The following CNTNAP4 variants were observed in gnomAD, a reference collection of about 807,000 sequenced individuals.
CNTNAP4 encodes the protein contactin-associated protein-like 4.
Under a neutral mutation model 148.4 loss-of-function variants are expected in CNTNAP4, and 98 were observed. The observed-to-expected ratio is 0.66, with a 90% confidence interval of 0.56 to 0.78. CNTNAP4 has a LOEUF of 0.78. CNTNAP4 is among the 30% of genes least tolerant of loss of function. CNTNAP4 has a pLI of 0.00. For synonymous variants in CNTNAP4, 730 were observed against 565.1 expected, an observed-to-expected ratio of 1.29 and a Z score of -4.14; for missense variants, 1,935 against 1,565.6, an observed-to-expected ratio of 1.24 and a Z score of -3.98.
chr16:76,324,075 G>C (rs188332722), intron 2 of CNTNAP4, among the ~76,000 whole-genome samples: 1 of 152,180 alleles, frequency 6.6e-6, no homozygotes, highest in East Asian at 1.9e-4. Context: ...AAGAGAAATT[G>C]GTAGTCCCTC....
intron 1 of CNTNAP4, among the ~76,000 whole-genome samples, chr16:76,292,479 T>C (rs908603945): frequency 6.6e-6 from 1 of 152,158 alleles, no homozygotes; most frequent in Non-Finnish European, 1.5e-5. Context: ...TCAGCGGCAT[T>C]ACCAATCTTC....
At chr16:76,309,860 C>T (rs951736272) in intron 1 of CNTNAP4, 86 of 701,322 alleles carry the variant, frequency 1.2e-4, no homozygotes, top group African/African-American at 1.2e-3. Context: ...TCCTCATTTT[C>T]TCTTGCAGCC....
intron 3 of CNTNAP4, among the ~76,000 whole-genome samples, chr16:76,356,714 C>T (rs890692294): frequency 1.3e-5 from 2 of 152,104 alleles, no homozygotes; most frequent in Non-Finnish European, 2.9e-5. Context: ...ATTCTTAGCA[C>T]ACAGATAATT....
At chr16:76,344,681 A>T (rs1038031664) in intron 2 of CNTNAP4, among the ~76,000 whole-genome samples, 1 of 152,226 alleles carries the variant, frequency 6.6e-6, no homozygotes, top group African/African-American at 2.4e-5. Context: ...TATTGTCAAG[A>T]TGAGAGAGAT....
chr16:76,419,331 A>T (rs532728744), intron 3 of CNTNAP4, among the ~76,000 whole-genome samples: 1 of 152,096 alleles, frequency 6.6e-6, no homozygotes, highest in Admixed American at 6.6e-5. Context: ...TCTTCAGGAG[A>T]ATAGCCCTTT....
intron 4 of CNTNAP4, among the ~76,000 whole-genome samples, chr16:76,445,992 G>T (rs1461279188): frequency 6.6e-6 from 1 of 152,102 alleles, no homozygotes; most frequent in African/African-American, 2.4e-5. Flanking sequence ...TAACGAGGAA[G>T]GATTGTTAGG....
At chr16:76,355,020 A>G (rs2012387511) in intron 2 of CNTNAP4, among the ~76,000 whole-genome samples, 1 of 152,206 alleles carries the variant, frequency 6.6e-6, no homozygotes, top group Non-Finnish European at 1.5e-5. Flanking sequence ...GTAAGTTCCC[A>G]GTGTTGGCAG....
chr16:76,330,006 T>TC (rs1963363804), intron 2 of CNTNAP4, among the ~76,000 whole-genome samples: 1 of 152,196 alleles, frequency 6.6e-6, no homozygotes, highest in South Asian at 2.1e-4. Context: ...TGCAGACACT[T>TC]CCCACACCTG....
chr16:76,422,461 A>G (rs1382073032), intron 3 of CNTNAP4, among the ~76,000 whole-genome samples: 6 of 152,216 alleles, frequency 3.9e-5, no homozygotes, highest in African/African-American at 1.4e-4. Context: ...CCAGTTCAAC[A>G]ATAACCTAAG....
chr16:76,494,858 G>C, intron 13 of CNTNAP4, 52 bp from the exon 14 acceptor site: 1 of 1,534,234 alleles, frequency 6.5e-7, no homozygotes, highest in Non-Finnish European at 8.9e-7. Context: ...TATTGGGAGA[G>C]AAGGTGGTGG....
intron 3 of CNTNAP4, among the ~76,000 whole-genome samples, chr16:76,364,695 C>A (rs1194157433): frequency 1.3e-5 from 2 of 152,098 alleles, no homozygotes; most frequent in African/African-American, 2.4e-5. Flanking sequence ...CTTCATTGTT[C>A]CTTAGGACCT....
At chr16:76,548,883 A>G (rs1404369299) in intron 21 of CNTNAP4, among the ~76,000 whole-genome samples, 1 of 152,200 alleles carries the variant, frequency 6.6e-6, no homozygotes, top group Admixed American at 6.5e-5. Context: ...TTGTCAAAGC[A>G]GATATCTGAT....
intron 21 of CNTNAP4, among the ~76,000 whole-genome samples, chr16:76,552,071 G>A (rs1463208179): frequency 1.3e-5 from 2 of 152,128 alleles, no homozygotes; most frequent in Non-Finnish European, 2.9e-5. Context: ...CAACTTATAG[G>A]CAGAAAGCAA....
intron 2 of CNTNAP4, among the ~76,000 whole-genome samples, chr16:76,324,215 A>G (rs969729714): frequency 1.3e-5 from 2 of 152,194 alleles, no homozygotes; most frequent in Non-Finnish European, 2.9e-5. Context: ...TCAAAATATA[A>G]ATGTGGCCCA....
chr16:76,317,282 A>C (rs1374974557), intron 2 of CNTNAP4, among the ~76,000 whole-genome samples: 48 of 123,590 alleles, frequency 3.9e-4, no homozygotes, highest in African/African-American at 1.4e-3. Context: ...AAAAACCAAA[A>C]AAAAAAAAAC....
intron 2 of CNTNAP4, among the ~76,000 whole-genome samples, chr16:76,333,086 A>G (rs959662549): frequency 5.3e-5 from 8 of 152,154 alleles, no homozygotes; most frequent in African/African-American, 9.7e-5. Context: ...TGTAAGGATA[A>G]GGTTTGTTTT....
At chr16:76,474,078 C>T (rs1191376305) in intron 10 of CNTNAP4, among the ~76,000 whole-genome samples, 1 of 152,122 alleles carries the variant, frequency 6.6e-6, no homozygotes, top group Non-Finnish European at 1.5e-5. Flanking sequence ...TTATAAGGGG[C>T]TTAGCTACAA....
chr16:76,407,910 A>T (rs193102323), intron 3 of CNTNAP4, among the ~76,000 whole-genome samples: 87 of 152,046 alleles, frequency 5.7e-4, no homozygotes, highest in African/African-American at 2.0e-3. Context: ...TAATGTGGCA[A>T]ACTTCATTGT....
chr16:76,323,723 G>A (rs746753326), intron 2 of CNTNAP4, among the ~76,000 whole-genome samples: 13 of 152,018 alleles, frequency 8.6e-5, no homozygotes, highest in African/African-American at 1.2e-4. Flanking sequence ...CCCTGCCAGC[G>A]TCTTGGTGCG....
Sources: allele counts gnomAD v4.1 joint callset (sites outside exome capture counted in the v4.1 genomes callset), GRCh38; gene constraint gnomAD v4.1.1; transcripts MANE v1.5; gene names NCBI Gene and HGNC (gene_info 2026-07-23, HGNC 2026-07-21).